The following SLC11A2 variants were observed in gnomAD, a reference collection of about 807,000 sequenced individuals.
The protein encoded by SLC11A2 is natural resistance-associated macrophage protein 2.
SLC11A2 carries 38 observed loss-of-function variants against 68.0 expected under a neutral mutation model. That is an observed-to-expected ratio of 0.56 (90% confidence interval 0.43 to 0.73). The LOEUF (loss-of-function observed/expected upper bound fraction) is 0.73. SLC11A2 is among the 30% of genes least tolerant of loss of function. The probability of loss-of-function intolerance (pLI) is 0.00; values close to 1 mark genes in which losing one functional copy is unlikely to be tolerated. For missense variants in SLC11A2, 517 were observed against 690.5 expected (o/e 0.75, Z 2.82); for synonymous variants, 242 against 250.6 (o/e 0.97, Z 0.32).
intron 3 of SLC11A2, chr12:51,005,641 C>T (rs1942654375): frequency 7.2e-7 from 1 of 1,392,952 alleles, no homozygotes; most frequent in Non-Finnish European, 9.5e-7. Flanking sequence ...CAAGTCAAAG[C>T]TCTTCCCTTA....
chr12:51,013,700 C>T (rs1002157091), intron 1 of SLC11A2, among the ~76,000 whole-genome samples: 18 of 151,916 alleles, frequency 1.2e-4, no homozygotes, highest in African/African-American at 3.1e-4. Context: ...GATCGCACCA[C>T]TGCACTCCAG....
At chr12:50,990,737 G>A in intron 15 of SLC11A2, 58 bp downstream of exon 15, 1 of 1,572,872 alleles carries the variant, frequency 6.4e-7, no homozygotes, top group Admixed American at 1.7e-5. Context: ...GAATGTCAGT[G>A]AACCCCACCT....
At position 50,992,270 on chromosome 12, in the gene SLC11A2, T is replaced by C. The variant is rs1326544455; in HGVS notation, c.1267A>G (p.Thr423Ala). ...TCTTGGAAGACAGCAACAAGCAGAGTGGGGATGATGGCAATAGAGCGAGTC... is the reference window on the plus strand; with the variant it reads ...TCTTGGAAGACAGCAACAAGCAGAGCGGGGATGATGGCAATAGAGCGAGTC... ...VLTRSIAIIP[T>A]LLVAVFQDVE... is the part of the protein sequence containing the mutation. The change falls in exon 13 of 16, where the codon ACT (threonine) becomes GCT (alanine). Residue 423 changes from threonine (T) to alanine (A), a missense_variant. Thr to Ala is a moderately conservative substitution (Grantham distance 58). Transcript: ENST00000262052. The C allele has an allele frequency of 6.2e-7, 1 of 1,613,656 alleles. No homozygotes were observed. Among genetic ancestry groups the C allele is most frequent in the Non-Finnish European group, 8.5e-7 (1 of 1,179,812 alleles).
chr12:50,978,616 A>G (rs1939885649), downstream of SLC11A2, among the ~76,000 whole-genome samples: 1 of 151,688 alleles, frequency 6.6e-6, no homozygotes, highest in Non-Finnish European at 1.5e-5. Context: ...CGCTGTGCAC[A>G]TGTACCCTAG....
In SLC11A2 at chr12:50,988,342, G is replaced by A. The variant is rs779810392; in HGVS notation, c.1669C>T (p.Arg557Cys). The A allele has an allele frequency of 1.3e-5, 21 of 1,613,880 alleles. No individual in the cohort carries two copies. The highest frequency in any genetic ancestry group is 2.7e-5 in the African/African-American group (2 of 74,914). Residue 557 changes from arginine (R) to cysteine (C), a missense_variant, in exon 16 of 16, where the codon CGT becomes TGT. Transcript: ENST00000262052. ...ATCCAGTGTTATTTAACGTAGCCAC[G>A]GGTGGCTTCTTCTGTCAGCAGGCCT... ...SKGLLTEEAT[R>C]GYVK
chr12:50,953,980 A>G, the SLC11A2 span: 1 of 1,469,282 alleles, frequency 6.8e-7, no homozygotes, highest in Admixed American at 1.7e-5. Flanking sequence ...TTTATATCCT[A>G]TTGTTACTAG....
intron 8 of SLC11A2, 41 bp downstream of exon 8, chr12:50,999,133 A>G (rs754943304): frequency 6.7e-7 from 1 of 1,490,072 alleles, no homozygotes; most frequent in Non-Finnish European, 9.3e-7. Flanking sequence ...AAACCACAAA[A>G]ACTTATTTTA....
rs972167048 is a variant in SLC11A2, at chr12:50,986,862, T to A, written c.*1463A>T. On this transcript the variant is annotated 3_prime_UTR_variant, in exon 16 of 16. Transcript: ENST00000262052. ...GTCTGCGCTTTTGACTGTGTGCAAG[T>A]ATCAGTAATAATGCTTTTGGGGGCT... is the stretch of plus-strand genomic sequence containing the variant. 3.1e-6 allele frequency: 4 copies of A among 1,287,088 alleles called. No individual in the cohort carries two copies. In the African/African-American group the frequency reaches 6.1e-5, roughly 20 times the overall value. The allele number at this position is 1,287,088 out of a possible 1,614,324, so 79.7% of individuals were successfully genotyped here.
At chr12:50,991,540 T>A (rs1941147939) in intron 14 of SLC11A2, 59 bp downstream of exon 14, 1 of 1,368,486 alleles carries the variant, frequency 7.3e-7, no homozygotes, top group Non-Finnish European at 1.0e-6. Context: ...GCCTACTGCA[T>A]GAAGATACCC....
intron 11 of SLC11A2, 88 bp from the exon 12 acceptor site, chr12:50,993,017 C>T (rs1941325947): frequency 1.3e-6 from 2 of 1,521,534 alleles, no homozygotes. Context: ...GCATTTCTCC[C>T]TTCTTTGCTA....
rs772779866 is a variant in SLC11A2 at position 51,009,086 on chromosome 12, C to T, written c.35-462G>A. On this transcript the variant is annotated intron_variant, in intron 2 of 15. Coordinates refer to ENST00000262052, the MANE Select transcript of SLC11A2 (RefSeq NM_000617.3). The stretch of plus-strand genomic sequence containing the variant: ...AACTAGGCCTGTCTAGCGAAATGTC[C>T]TCCCCACCTCCTATATTTGGTAGGA... 8.8e-6 allele frequency: 11 copies of T among 1,255,338 alleles called. No homozygotes were observed. The South Asian group carries it at 1.4e-4, about 16-fold the overall frequency. The allele number at this position is 1,255,338 out of a possible 1,614,324, so 77.8% of individuals were successfully genotyped here.
Position 50,992,932 on chromosome 12 carries a change from G to A in SLC11A2, c.1078-3C>T, listed in dbSNP as rs2136195596. On this transcript the variant is annotated splice_polypyrimidine_tract_variant and splice_region_variant and intron_variant, in intron 11 of 15. Coordinates refer to ENST00000262052, the MANE Select transcript of SLC11A2 (RefSeq NM_000617.3). ...AAGTAACATCCCAGCACAACACCCT[G>A]TGAGAGGCCAAGAGGAAGGATATGA... 6.2e-7 allele frequency: 1 copy of A among 1,613,772 alleles called. No homozygotes were observed. The highest frequency in any genetic ancestry group is 8.5e-7 in the Non-Finnish European group (1 of 1,179,910).
intron 1 of SLC11A2, among the ~76,000 whole-genome samples, chr12:51,022,544 T>C (rs1218359206): frequency 1.3e-5 from 2 of 151,930 alleles, no homozygotes; most frequent in Non-Finnish European, 2.9e-5. Context: ...CTGGCAAATA[T>C]GAAGAATTTT....
rs1024047411 is a variant in SLC11A2 at position 50,992,343 on chromosome 12, G to C, written c.1198-4C>G. The C allele has an allele frequency of 5.6e-6, 9 of 1,613,638 alleles. No homozygotes were observed. The highest frequency in any genetic ancestry group is 7.6e-6 in the Non-Finnish European group (9 of 1,179,934). On this transcript the variant is annotated splice_region_variant and splice_polypyrimidine_tract_variant and intron_variant, in intron 12 of 15. Coordinates refer to ENST00000262052, the MANE Select transcript of SLC11A2 (RefSeq NM_000617.3). Reference sequence around the variant, plus strand: ...ACCACTTTAGGTTCAGGAATCCCTGGAAGAAAACATAGGAGCAGATGACTG... The same window carrying C: ...ACCACTTTAGGTTCAGGAATCCCTGCAAGAAAACATAGGAGCAGATGACTG...
At chr12:51,020,970 A>T (rs1300169460) in intron 1 of SLC11A2, among the ~76,000 whole-genome samples, 1 of 152,096 alleles carries the variant, frequency 6.6e-6, no homozygotes, top group Non-Finnish European at 1.5e-5. Context: ...ACACTCCTGT[A>T]GTCCCAACTA....
At chr12:50,999,531 G>A in intron 6 of SLC11A2, 116 bp from the exon 7 acceptor site, 1 of 849,510 alleles carries the variant, frequency 1.2e-6, no homozygotes, top group South Asian at 1.4e-5. Context: ...TAGGACTTGA[G>A]GGAGGAGGGA....
chr12:50,972,145 T>C, the SLC11A2 span, among the ~76,000 whole-genome samples: 1 of 152,246 alleles, frequency 6.6e-6, no homozygotes, highest in Admixed American at 6.5e-5. Flanking sequence ...AAGTCATCCT[T>C]TCATGTTGGT....
At position 50,992,774 on chromosome 12, in the gene SLC11A2, TTG is replaced by T. The variant is rs1319134851; in HGVS notation, c.1197+34_1197+35del. 4.4e-6 allele frequency: 7 copies of T among 1,594,372 alleles called. No homozygotes were observed. The African/African-American group carries it at 8.2e-5, about 19-fold the overall frequency. On this transcript the variant is annotated intron_variant, in intron 12 of 15. Transcript: ENST00000262052. ...AGAAGAAGAAGAAGTAACAAAAGGG[TTG>T]TGTTATCTCCCTCTATCCTATACCA...
rs780088824 is a variant in SLC11A2, at chr12:50,996,931, G to A, written c.717C>T (p.Gly239=). 3.7e-6 allele frequency: 6 copies of A among 1,613,966 alleles called. No homozygotes were observed. The Admixed American group carries it at 6.7e-5, about 18-fold the overall frequency. Residue 239 remains glycine (G), a synonymous_variant, in exon 9 of 16, where the codon GGC becomes GGT. Transcript: ENST00000262052. ...VKPSQSQVLK[G]MFVPSCSGCR... ...AGCCTGAACAGGATGGTACGAACAT[G>A]CCCTTGAGTACCTGGCTCTGGCTGG...
Sources: allele counts gnomAD v4.1 joint callset (sites outside exome capture counted in the v4.1 genomes callset), GRCh38; gene constraint gnomAD v4.1.1; transcripts MANE v1.5; gene names NCBI Gene and HGNC (gene_info 2026-07-23, HGNC 2026-07-21).